Variants in ITFG1 observed in about 807,000 individuals in gnomAD.
The protein encoded by ITFG1 is integrin alpha FG-GAP repeat containing 1.
In ITFG1, 34 loss-of-function variants were observed where a neutral mutation model predicts 81.8. That is an observed-to-expected ratio of 0.42 (90% CI 0.32 to 0.55). The LOEUF is 0.55. Ranked by LOEUF, ITFG1 falls within the 20% of genes least tolerant of loss-of-function variation. ITFG1 has a pLI of 0.17. For missense variants in ITFG1, 672 were observed against 755.4 expected (o/e 0.89, Z 1.29); for synonymous variants, 285 against 270.6 (o/e 1.05, Z -0.52).
At chr16:47,305,702 C>G (rs78377861) in intron 10 of ITFG1, among the ~76,000 whole-genome samples, 1,934 of 152,180 alleles carry the variant, frequency 0.013, 20 homozygotes, top group Non-Finnish European at 0.022. Flanking sequence ...AAGTGAATAT[C>G]AGAATTTAAC....
At chr16:47,444,102 T>C (rs934527317) in intron 5 of ITFG1, among the ~76,000 whole-genome samples, 2 of 152,104 alleles carry the variant, frequency 1.3e-5, no homozygotes, top group Non-Finnish European at 2.9e-5. Flanking sequence ...TTCAAATAAA[T>C]GTGCTAATAT....
chr16:47,291,608 A>G (rs1966906617), intron 10 of ITFG1, among the ~76,000 whole-genome samples: 1 of 152,064 alleles, frequency 6.6e-6, no homozygotes, highest in Non-Finnish European at 1.5e-5. Context: ...ATGTAACTTA[A>G]GTTTTGTAGG....
At chr16:47,309,115 C>A (rs1474224256) in intron 10 of ITFG1, among the ~76,000 whole-genome samples, 1 of 148,910 alleles carries the variant, frequency 6.7e-6, no homozygotes, top group Non-Finnish European at 1.5e-5. Flanking sequence ...GTCGCCCAGG[C>A]TGGAGTGCAA....
chr16:47,297,016 G>A (rs1001552550), intron 10 of ITFG1, among the ~76,000 whole-genome samples: 1 of 152,068 alleles, frequency 6.6e-6, no homozygotes, highest in Non-Finnish European at 1.5e-5. Flanking sequence ...GCTGTGAGTG[G>A]CATGTTGAAG....
intron 10 of ITFG1, among the ~76,000 whole-genome samples, chr16:47,286,027 G>C (rs978602281): frequency 6.6e-6 from 1 of 152,130 alleles, no homozygotes; most frequent in East Asian, 1.9e-4. Context: ...ACTACAAAGG[G>C]AAGGAGCTCA....
chr16:47,450,366 A>G, intron 5 of ITFG1: 1 of 283,790 alleles, frequency 3.5e-6, no homozygotes, highest in South Asian at 3.0e-5. Flanking sequence ...AAAAAGTAAT[A>G]GGTGATCTCC....
intron 12 of ITFG1, among the ~76,000 whole-genome samples, chr16:47,254,395 T>C (rs183763560): frequency 4.6e-5 from 7 of 152,146 alleles, no homozygotes; most frequent in Admixed American, 2.6e-4. Context: ...ATTATTATTA[T>C]TATTATTATT....
rs571055301 is a variant in ITFG1, at chr16:47,191,504, T to C, written c.1453+27364A>G. 1.2e-4 allele frequency among the ~76,000 whole-genome samples: 18 copies of C among 152,238 alleles called. No homozygotes were observed. The South Asian group carries it at 1.5e-3, about 12-fold the overall frequency. On this transcript the variant is annotated intron_variant, in intron 14 of 17. Coordinates refer to ENST00000320640, the MANE Select transcript of ITFG1 (RefSeq NM_030790.5). ...AGTTTGGCCCAGGGAAGCCAAAAGATTGGACATGCCTGTATTACAGTGTTT... is the reference window on the plus strand; with the variant it reads ...AGTTTGGCCCAGGGAAGCCAAAAGACTGGACATGCCTGTATTACAGTGTTT...
intron 13 of ITFG1, among the ~76,000 whole-genome samples, chr16:47,235,694 G>A (rs547575565): frequency 1.3e-5 from 2 of 152,288 alleles, no homozygotes; most frequent in South Asian, 4.2e-4. Context: ...AAGTGGTAAA[G>A]AATACTATAT....
chr16:47,310,233 C>CT (rs1159785355), intron 10 of ITFG1, among the ~76,000 whole-genome samples: 1 of 152,162 alleles, frequency 6.6e-6, no homozygotes, highest in African/African-American at 2.4e-5. Context: ...AAATATTTCT[C>CT]TAAATATCAG....
At chr16:47,229,285 G>A (rs1486671082) in intron 13 of ITFG1, among the ~76,000 whole-genome samples, 1 of 152,134 alleles carries the variant, frequency 6.6e-6, no homozygotes, top group Non-Finnish European at 1.5e-5. Context: ...TATTGTCTGA[G>A]TGCCAACCTG....
chr16:47,183,554 C>T (rs575967837), intron 14 of ITFG1, among the ~76,000 whole-genome samples: 2 of 152,264 alleles, frequency 1.3e-5, no homozygotes, highest in South Asian at 4.1e-4. Flanking sequence ...CCGGGTACTC[C>T]AACAGACCTG....
At chr16:47,373,317 T>C (rs546055614) in intron 7 of ITFG1, among the ~76,000 whole-genome samples, 1 of 152,106 alleles carries the variant, frequency 6.6e-6, no homozygotes, top group African/African-American at 2.4e-5. Flanking sequence ...AGTTTTGCTC[T>C]TGTCGCCCAG....
chr16:47,315,778 T>TATATATATATATATATATATATACAC (rs1303718198), intron 8 of ITFG1, among the ~76,000 whole-genome samples: 2 of 151,138 alleles, frequency 1.3e-5, no homozygotes, highest in African/African-American at 4.9e-5. Flanking sequence ...CATATATATA[T>TATATATATATATATATATATATACAC]ACACATATAT....
chr16:47,242,982 CTATAT>C (rs1384666824), intron 12 of ITFG1, among the ~76,000 whole-genome samples: 1 of 151,940 alleles, frequency 6.6e-6, no homozygotes, highest in African/African-American at 2.4e-5. Context: ...GTATACTTTT[CTATAT>C]GTTATATTTC....
intron 10 of ITFG1, among the ~76,000 whole-genome samples, chr16:47,295,460 T>C (rs1966968804): frequency 6.6e-6 from 1 of 152,178 alleles, no homozygotes; most frequent in African/African-American, 2.4e-5. Context: ...GTTGTTGTTT[T>C]GGGGAGATGT....
chr16:47,208,278 A>T (rs1478409345), intron 14 of ITFG1, among the ~76,000 whole-genome samples: 1 of 152,190 alleles, frequency 6.6e-6, no homozygotes, highest in East Asian at 1.9e-4. Flanking sequence ...TATGAATCAG[A>T]TTCTTCAGCT....
intron 10 of ITFG1, among the ~76,000 whole-genome samples, chr16:47,278,536 T>G (rs558297263): frequency 6.6e-6 from 1 of 152,136 alleles, no homozygotes. Context: ...TGAGAAAGCA[T>G]GCGAGGCAGG....
intron 6 of ITFG1, among the ~76,000 whole-genome samples, chr16:47,379,801 C>T (rs549856566): frequency 5.9e-5 from 9 of 152,116 alleles, no homozygotes; most frequent in Admixed American, 4.6e-4. Context: ...ACACCTTTTC[C>T]CCCACTTATC....
Sources: allele counts gnomAD v4.1 joint callset (sites outside exome capture counted in the v4.1 genomes callset), GRCh38; gene constraint gnomAD v4.1.1; transcripts MANE v1.5; gene names NCBI Gene and HGNC (gene_info 2026-07-23, HGNC 2026-07-21).